The following DOCK4 variants were observed in gnomAD, a reference collection of about 807,000 sequenced individuals.
DOCK4 encodes dedicator of cytokinesis protein 4.
A neutral mutation model predicts 268.1 loss-of-function variants in DOCK4; 97 were observed. That is an observed-to-expected ratio of 0.36 (90% CI 0.31 to 0.43). The LOEUF (loss-of-function observed/expected upper bound fraction) is 0.43. Among genes scored for constraint, DOCK4 ranks in the 20% least tolerant of loss-of-function variants. DOCK4 has a pLI of 1.00. For missense variants in DOCK4, 2,145 were observed against 2,455.7 expected, an observed-to-expected ratio of 0.87 and a Z score of 2.67; for synonymous variants, 954 against 887.2, an observed-to-expected ratio of 1.08 and a Z score of -1.34.
In DOCK4 at chr7:111,915,829, T is replaced by C. The variant is rs1381982500; in HGVS notation, c.1142A>G (p.His381Arg). ...CAGCTTCCTTGTTATGGATACTCCATGAGAAAATACTGATGAATATTCCCT... is the reference window on the plus strand; with the variant it reads ...CAGCTTCCTTGTTATGGATACTCCACGAGAAAATACTGATGAATATTCCCT... The part of the protein sequence containing the change: ...IRREYSSVFS[H>R]GVSITRKLGF... The change falls in exon 13 of 53, where the codon CAT (histidine) becomes CGT (arginine). Residue 381 changes from histidine (H) to arginine (R), a missense_variant. Coordinates refer to ENST00000428084, the MANE Select transcript of DOCK4 (RefSeq NM_001363540.2). 2 of 1,612,666 alleles carry C rather than the reference T, an allele frequency of 1.2e-6. No homozygotes were observed. Among genetic ancestry groups the C allele is most frequent in the Non-Finnish European group, 1.7e-6 (2 of 1,179,232 alleles).
At chr7:112,136,989 A>G (rs982384258) in intron 1 of DOCK4, among the ~76,000 whole-genome samples, 1 of 152,174 alleles carries the variant, frequency 6.6e-6, no homozygotes, top group African/African-American at 2.4e-5. Flanking sequence ...GAGTGCCTCC[A>G]ATACTGAGCC....
chr7:112,015,956 C>T lies in DOCK4; in HGVS notation c.38-11825G>A, dbSNP rs80350746. On this transcript the variant is annotated intron_variant, in intron 1 of 52. Transcript: ENST00000428084. ...ATCCCATTAACAAGGGAGGAGTCCC[C>T]ATGGTCCAATCATTTCTTAAGGTCC... Among the ~76,000 whole-genome samples, 389 of 152,340 alleles carry T rather than the reference C, an allele frequency of 2.6e-3. 2 individuals are homozygous for T. Among genetic ancestry groups the T allele is most frequent in the African/African-American group, 9.0e-3 (376 of 41,580 alleles).
chr7:111,752,750 C>G (rs1034860963), intron 42 of DOCK4, among the ~76,000 whole-genome samples: 25 of 151,662 alleles, frequency 1.6e-4, no homozygotes, highest in African/African-American at 5.8e-4. Flanking sequence ...CCATGCCCGG[C>G]TACTTTTTTG....
chr7:111,831,942 A>G (rs919513238), intron 26 of DOCK4, among the ~76,000 whole-genome samples: 1 of 152,190 alleles, frequency 6.6e-6, no homozygotes, highest in Non-Finnish European at 1.5e-5. Flanking sequence ...CTATCAAATG[A>G]TCAACAACTA....
At chr7:111,808,474 C>G (rs77789102) in intron 30 of DOCK4, 2,781 of 210,934 alleles carry the variant, frequency 0.013, 79 homozygotes, top group African/African-American at 0.059. Flanking sequence ...TGATTCATAG[C>G]TTCAACTCAG....
At chr7:112,119,939 C>T (rs1288122388) in intron 1 of DOCK4, among the ~76,000 whole-genome samples, 1 of 151,798 alleles carries the variant, frequency 6.6e-6, no homozygotes, top group African/African-American at 2.4e-5. Flanking sequence ...CCTTCGCCTC[C>T]CAGGTTCACA....
In DOCK4 at chr7:112,087,308, T is replaced by A. The variant is rs531654752; in HGVS notation, c.38-83177A>T. 2.6e-5 allele frequency among the ~76,000 whole-genome samples: 4 copies of A among 152,234 alleles called. No individual in the cohort carries two copies. The East Asian group carries it at 7.7e-4, about 29-fold the overall frequency. On this transcript the variant is annotated intron_variant, in intron 1 of 52. Coordinates refer to ENST00000428084, the MANE Select transcript of DOCK4 (RefSeq NM_001363540.2). ...TCTTCTTCAGCTGCTAGGTAATACATACCCCTGTTTTTATGGAATCAATAT... is the reference window on the plus strand; with the variant it reads ...TCTTCTTCAGCTGCTAGGTAATACAAACCCCTGTTTTTATGGAATCAATAT...
At chr7:112,017,829 G>A (rs1210470624) in intron 1 of DOCK4, among the ~76,000 whole-genome samples, 1 of 152,160 alleles carries the variant, frequency 6.6e-6, no homozygotes, top group African/African-American at 2.4e-5. Context: ...TGGGATCTGG[G>A]TCAAGCCCAG....
chr7:112,007,987 C>G (rs1410039857), intron 1 of DOCK4, among the ~76,000 whole-genome samples: 2 of 152,104 alleles, frequency 1.3e-5, no homozygotes, highest in African/African-American at 2.4e-5. Flanking sequence ...GGGGCATTTT[C>G]CCCCAAATAA....
At chr7:112,064,449 T>A (rs1040347945) in intron 1 of DOCK4, among the ~76,000 whole-genome samples, 2 of 152,088 alleles carry the variant, frequency 1.3e-5, no homozygotes, top group Non-Finnish European at 2.9e-5. Flanking sequence ...AGCAAAAAAT[T>A]TATAAGCCAG....
intron 14 of DOCK4, among the ~76,000 whole-genome samples, chr7:111,901,331 T>TC (rs1171474078): frequency 2.2e-5 from 1 of 45,622 alleles, no homozygotes; most frequent in Non-Finnish European, 3.7e-5. Flanking sequence ...AGATTCTGTC[T>TC]CAAAAAAAAA....
chr7:111,978,989 A>T (rs1281560769), intron 7 of DOCK4, among the ~76,000 whole-genome samples: 1 of 152,166 alleles, frequency 6.6e-6, no homozygotes, highest in Non-Finnish European at 1.5e-5. Context: ...GATCACTTTG[A>T]CAATTAAAAA....
intron 29 of DOCK4, 127 bp from the exon 30 acceptor site, chr7:111,809,006 T>C (rs1034781842): frequency 1.1e-5 from 11 of 1,037,250 alleles, no homozygotes; most frequent in African/African-American, 3.2e-5. Flanking sequence ...AGACATTTAA[T>C]ATACATGTCA....
chr7:111,805,880 G>A (rs1800629521), intron 30 of DOCK4, among the ~76,000 whole-genome samples: 1 of 152,104 alleles, frequency 6.6e-6, no homozygotes, highest in South Asian at 2.1e-4. Context: ...CTAAAAGTTA[G>A]TGCATTTTGT....
At position 112,018,179 on chromosome 7, in the gene DOCK4, A is replaced by AAAAAAAAAAACAAC; in HGVS notation, c.38-14049_38-14048insGTTGTTTTTTTTTT. 9.8e-4 allele frequency among the ~76,000 whole-genome samples: 71 copies of AAAAAAAAAAACAAC among 72,622 alleles called. 13 individuals are homozygous for AAAAAAAAAAACAAC. Among genetic ancestry groups the AAAAAAAAAAACAAC allele is most frequent in the East Asian group, 4.0e-3 (10 of 2,480 alleles). 47.6% of individuals were successfully genotyped at this position (72,622 alleles called of 152,430 possible). ...AAAAAAAAAAAAAAAAAAAAAAAAA[A>AAAAAAAAAAACAAC]ACACAGGCAACCAGTATTCATGTGG... On this transcript the variant is annotated intron_variant, in intron 1 of 52. Coordinates refer to ENST00000428084, the MANE Select transcript of DOCK4 (RefSeq NM_001363540.2).
chr7:111,754,895 C>A lies in DOCK4; in HGVS notation c.4416+620G>T, dbSNP rs55938512. ...CTCAGTGAGACTAATACGCTGCCAT[C>A]CTTTCTACTGGGAACTGTAACAACA... On this transcript the variant is annotated intron_variant, in intron 42 of 52. Transcript: ENST00000428084. Among the ~76,000 whole-genome samples, 932 of 152,318 alleles carry A rather than the reference C, an allele frequency of 6.1e-3. 11 individuals are homozygous for A. Among genetic ancestry groups the A allele is most frequent in the African/African-American group, 0.021 (888 of 41,560 alleles).
intron 1 of DOCK4, among the ~76,000 whole-genome samples, chr7:112,142,634 C>A (rs1399597657): frequency 6.6e-6 from 1 of 152,072 alleles, no homozygotes; most frequent in Non-Finnish European, 1.5e-5. Context: ...GAGTGCCTAC[C>A]ACTCATTTTT....
chr7:112,196,947 T>C (rs911709401), intron 1 of DOCK4, among the ~76,000 whole-genome samples: 19 of 152,134 alleles, frequency 1.2e-4, no homozygotes, highest in East Asian at 5.8e-4. Flanking sequence ...TCTATTCTCT[T>C]AGCAAATTTC....
At chr7:111,735,443 C>T (rs1019781515) in intron 50 of DOCK4, among the ~76,000 whole-genome samples, 2 of 152,160 alleles carry the variant, frequency 1.3e-5, no homozygotes, top group African/African-American at 4.8e-5. Flanking sequence ...CTGAGAATTA[C>T]AAATGTGTTT....
Sources: gnomAD v4.1 joint callset for allele counts (sites outside exome capture counted in the v4.1 genomes callset) on GRCh38, gnomAD v4.1.1 for gene constraint, MANE v1.5 for transcripts, NCBI Gene and HGNC (gene_info 2026-07-23, HGNC 2026-07-21) for gene names.